Variants in MTREX observed in about 807,000 individuals in gnomAD.
The protein encoded by MTREX is Mtr4 exosome RNA helicase.
Under a neutral mutation model 135.4 loss-of-function variants are expected in MTREX, and 76 were observed. The ratio of observed to expected loss-of-function variants is 0.56; its 90% confidence interval spans 0.47 to 0.68. The LOEUF (loss-of-function observed/expected upper bound fraction) is 0.68, where lower values mean the gene tolerates loss of function less well. Among genes scored for constraint, MTREX ranks in the 30% least tolerant of loss-of-function variants. The pLI is 0.00. For synonymous variants in MTREX, 404 were observed against 401.6 expected (o/e 1.01, Z -0.07); for missense variants, 920 against 1,262.1 (o/e 0.73, Z 4.11).
rs746185650 is a variant in MTREX at position 55,416,052 on chromosome 5, C to T, written c.2891C>T (p.Pro964Leu). The change falls in exon 25 of 27, where the codon CCT becomes CTT. Residue 964 changes from proline to leucine, a missense_variant. Physicochemically the swap from Pro to Leu is moderately conservative, Grantham distance 98 (BLOSUM62 -3). Coordinates refer to ENST00000230640, the MANE Select transcript of MTREX (RefSeq NM_015360.5). ...GAAACTTATCTAAGCTCATTTAAAC[C>T]TCACTTAATGGATGTAGTATATACC... The part of the protein sequence containing the change: ...DEETYLSSFK[P>L]HLMDVVYTWA... 1 of 1,602,670 alleles carries T rather than the reference C, an allele frequency of 6.2e-7. No individual in the cohort carries two copies.
chr5:55,384,018 G>T (rs1049276531), intron 18 of MTREX, among the ~76,000 whole-genome samples: 1 of 152,076 alleles, frequency 6.6e-6, no homozygotes, highest in African/African-American at 2.4e-5. Flanking sequence ...CAATCCTCCC[G>T]CCTTGGTCTC....
chr5:55,360,205 C>T (rs976768595), intron 15 of MTREX, among the ~76,000 whole-genome samples: 14 of 152,088 alleles, frequency 9.2e-5, no homozygotes, highest in Admixed American at 9.2e-4. Context: ...ATAATGTGTA[C>T]CCTTTTGTAT....
At chr5:55,396,544 G>A (rs888478028) in intron 19 of MTREX, among the ~76,000 whole-genome samples, 1 of 152,048 alleles carries the variant, frequency 6.6e-6, no homozygotes, top group Non-Finnish European at 1.5e-5. Context: ...TAACTAGAAA[G>A]AAAAAAACTG....
intron 14 of MTREX, among the ~76,000 whole-genome samples, chr5:55,353,592 A>G (rs1749862871): frequency 6.6e-6 from 1 of 152,166 alleles, no homozygotes; most frequent in South Asian, 2.1e-4. Flanking sequence ...AGTCGCAGCT[A>G]CTTGAGAGGC....
chr5:55,407,314 G>A (rs920688253), intron 22 of MTREX, among the ~76,000 whole-genome samples: 3 of 152,158 alleles, frequency 2.0e-5, no homozygotes, highest in Non-Finnish European at 4.4e-5. Context: ...AGGATAATGT[G>A]CTATTGGATT....
chr5:55,392,608 A>G (rs1195672207), intron 19 of MTREX, among the ~76,000 whole-genome samples: 1 of 151,810 alleles, frequency 6.6e-6, no homozygotes, highest in East Asian at 1.9e-4. Flanking sequence ...TATTGCAGCA[A>G]GCCATCAACC....
At chr5:55,348,739 A>G (rs1422345521) in intron 11 of MTREX, among the ~76,000 whole-genome samples, 1 of 152,162 alleles carries the variant, frequency 6.6e-6, no homozygotes, top group Non-Finnish European at 1.5e-5. Flanking sequence ...TCTCTTACCT[A>G]CAAGTGCCGA....
At chr5:55,389,653 T>G (rs915683409) in intron 19 of MTREX, among the ~76,000 whole-genome samples, 3 of 152,114 alleles carry the variant, frequency 2.0e-5, no homozygotes, top group African/African-American at 7.2e-5. Context: ...TGTAGGAACA[T>G]GAGTACCTTT....
chr5:55,415,608 T>C (rs1319370742), intron 24 of MTREX, among the ~76,000 whole-genome samples: 1 of 152,228 alleles, frequency 6.6e-6, no homozygotes, highest in Non-Finnish European at 1.5e-5. Context: ...TGTATTTTGC[T>C]CTAGGATTTG....
intron 16 of MTREX, 108 bp downstream of exon 16, chr5:55,366,983 T>C (rs1750114489): frequency 1.2e-6 from 1 of 854,692 alleles, no homozygotes; most frequent in African/African-American, 1.7e-5. Context: ...TAAATTTTGG[T>C]TCATACGTAA....
chr5:55,324,534 G>A (rs779942081), intron 3 of MTREX: 16 of 136,628 alleles, frequency 1.2e-4, no homozygotes, highest in Non-Finnish European at 2.1e-4. Context: ...TGCAACCTCC[G>A]CCTCCCGGGT....
At chr5:55,402,435 C>CT (rs1750736205) in intron 21 of MTREX, among the ~76,000 whole-genome samples, 1 of 152,174 alleles carries the variant, frequency 6.6e-6, no homozygotes, top group Admixed American at 6.5e-5. Context: ...AACAGGTAGA[C>CT]TTGAGCGTGA....
Position 55,325,523 on chromosome 5 carries a change from T to A in MTREX, c.339+1325T>A, listed in dbSNP as rs188925871. On this transcript the variant is annotated intron_variant, in intron 3 of 26. Transcript: ENST00000230640. Reference sequence around the variant, plus strand: ...ATTTTTTTTTTTTAATTTTTTTTTTTATTTTTAGTAGAGACTGGGTTTCAC... The same window carrying A: ...ATTTTTTTTTTTTAATTTTTTTTTTAATTTTTAGTAGAGACTGGGTTTCAC... Among the ~76,000 whole-genome samples the A allele has an allele frequency of 1.3e-3, 198 of 151,624 alleles. 6 individuals carry two copies. In the East Asian group the frequency reaches 0.033, roughly 25 times the overall value.
chr5:55,396,181 A>G (rs952843465), intron 19 of MTREX, among the ~76,000 whole-genome samples: 4 of 152,198 alleles, frequency 2.6e-5, no homozygotes, highest in African/African-American at 9.6e-5. Context: ...CAGTACCATG[A>G]AAGAGCAAGA....
intron 10 of MTREX, among the ~76,000 whole-genome samples, 171 bp downstream of exon 10, chr5:55,345,367 A>G (rs920372814): frequency 1.3e-5 from 2 of 152,210 alleles, no homozygotes; most frequent in Non-Finnish European, 2.9e-5. Flanking sequence ...TATAATTTAC[A>G]TACTATAAAA....
chr5:55,393,071 C>T (rs753459683), intron 19 of MTREX, among the ~76,000 whole-genome samples: 1 of 152,182 alleles, frequency 6.6e-6, no homozygotes, highest in Non-Finnish European at 1.5e-5. Flanking sequence ...TCTCTCCCCT[C>T]CAGTGGCTGC....
At chr5:55,366,910 G>T in intron 16 of MTREX, 35 bp downstream of exon 16, 1 of 1,498,680 alleles carries the variant, frequency 6.7e-7, no homozygotes, top group South Asian at 1.4e-5. Flanking sequence ...GCTTAGTGTA[G>T]CTAGGAGACT....
At chr5:55,326,688 A>G (rs1242880695) in intron 3 of MTREX, among the ~76,000 whole-genome samples, 1 of 151,936 alleles carries the variant, frequency 6.6e-6, no homozygotes, top group Admixed American at 6.6e-5. Context: ...CTCCACAAAG[A>G]CTTTATTTAT....
intron 22 of MTREX, among the ~76,000 whole-genome samples, chr5:55,409,090 T>C (rs531935881): frequency 1.3e-5 from 2 of 152,222 alleles, no homozygotes; most frequent in East Asian, 3.9e-4. Context: ...TAGCTGGGAC[T>C]ACAGGCGTGT....
Sources: gnomAD v4.1 joint callset for allele counts (sites outside exome capture counted in the v4.1 genomes callset) on GRCh38, gnomAD v4.1.1 for gene constraint, MANE v1.5 for transcripts, NCBI Gene and HGNC (gene_info 2026-07-23, HGNC 2026-07-21) for gene names.